Variants in RBM33 observed in about 807,000 individuals in gnomAD.
RBM33 encodes RNA binding motif protein 33.
RBM33 carries 28 observed loss-of-function variants against 132.6 expected under a neutral mutation model. The observed-to-expected ratio is 0.21, with a 90% CI of 0.16 to 0.29. The LOEUF (loss-of-function observed/expected upper bound fraction) is 0.29, where lower values mean the gene tolerates loss of function less well. Ranked by LOEUF, RBM33 falls within the 10% of genes least tolerant of loss-of-function variation. RBM33 has a pLI of 1.00. For synonymous variants in RBM33, 634 were observed against 593.0 expected, an observed-to-expected ratio of 1.07 and a Z score of -1.01; for missense variants, 1,291 against 1,518.5, an observed-to-expected ratio of 0.85 and a Z score of 2.49.
intron 5 of RBM33, among the ~76,000 whole-genome samples, chr7:155,697,566 C>CTA (rs1423830497): frequency 1.1e-4 from 16 of 151,866 alleles, no homozygotes; most frequent in East Asian, 3.9e-4. Flanking sequence ...CTCTCTCTCT[C>CTA]TCTATATATA....
At chr7:155,708,781 C>T (rs958184969) in intron 7 of RBM33, among the ~76,000 whole-genome samples, 4 of 152,330 alleles carry the variant, frequency 2.6e-5, no homozygotes, top group African/African-American at 9.6e-5. Context: ...GTATCCTCCG[C>T]TCCAACTGCG....
At position 155,766,546 on chromosome 7, in the gene RBM33, G is replaced by A. The variant is rs1414821120; in HGVS notation, c.3266G>A (p.Arg1089Gln). 6.2e-7 allele frequency: 1 copy of A among 1,613,618 alleles called. No individual in the cohort carries two copies. ...GRLMPNKQNL[R>Q]VVECKPQPCV... ...CTGATGCCAAACAAGCAGAACCTGC[G>A]GGTGGTGGAGTGCAAGCCCCAGCCC... is the stretch of plus-strand genomic sequence containing the variant. The change falls in exon 16 of 18, where the codon CGG becomes CAG. Residue 1089 changes from arginine to glutamine, a missense_variant. Around this residue, in one of 7 missense-constraint regions of RBM33, gnomAD observed 841 missense variants for 912.0 expected, o/e 0.92. Transcript: ENST00000401878.
chr7:155,742,860 C>G lies in RBM33; in HGVS notation c.2337+754C>G, dbSNP rs764031085. ...GTAAAGGAGGGTCGGCCAGGGCGGC[C>G]TGTGCAGAAGGCTGGCACCTGGAGG... On this transcript the variant is annotated intron_variant, in intron 13 of 17. Coordinates refer to ENST00000401878, the MANE Select transcript of RBM33 (RefSeq NM_053043.3). Among the ~76,000 whole-genome samples, 396 of 152,320 alleles carry G rather than the reference C, an allele frequency of 2.6e-3. 2 individuals are homozygous for G. Among genetic ancestry groups the G allele is most frequent in the Non-Finnish European group, 1.6e-3 (110 of 68,030 alleles).
chr7:155,756,526 G>C (rs959513867), intron 14 of RBM33, among the ~76,000 whole-genome samples: 4 of 152,194 alleles, frequency 2.6e-5, no homozygotes, highest in Non-Finnish European at 5.9e-5. Flanking sequence ...TGAAAGCGTT[G>C]TTTCCACATT....
chr7:155,683,369 T>A (rs1480573773), intron 5 of RBM33, among the ~76,000 whole-genome samples: 1 of 152,258 alleles, frequency 6.6e-6, no homozygotes, highest in South Asian at 2.1e-4. Context: ...TGTCTCTGTG[T>A]ACCCCAATGG....
chr7:155,680,170 CT>C (rs1659213102), intron 4 of RBM33, among the ~76,000 whole-genome samples: 1 of 152,116 alleles, frequency 6.6e-6, no homozygotes, highest in African/African-American at 2.4e-5. Context: ...AATAATACTC[CT>C]GTTTTTACTT....
chr7:155,648,718 T>G (rs1382086990), intron 1 of RBM33, among the ~76,000 whole-genome samples: 1 of 152,214 alleles, frequency 6.6e-6, no homozygotes, highest in Non-Finnish European at 1.5e-5. Context: ...CTTTCTCATT[T>G]CAGCCATGAG....
chr7:155,692,718 A>G (rs887948642), intron 5 of RBM33, among the ~76,000 whole-genome samples: 1 of 152,236 alleles, frequency 6.6e-6, no homozygotes, highest in African/African-American at 2.4e-5. Flanking sequence ...CTAACTTGTT[A>G]GCTTGCAAGT....
intron 5 of RBM33, among the ~76,000 whole-genome samples, chr7:155,689,551 T>C (rs901565234): frequency 1.1e-4 from 17 of 148,552 alleles, no homozygotes; most frequent in African/African-American, 4.2e-4. Context: ...TCAAGTTCTT[T>C]TAATTGTGAT....
rs1481320605 is a variant in RBM33, at chr7:155,739,699, T to C, written c.1738-16T>C. On this transcript the variant is annotated splice_polypyrimidine_tract_variant and intron_variant, in intron 11 of 17. Transcript: ENST00000401878. ...CCATTTATGAACTGTTGTTTCTCTT[T>C]CTTTGGAAATGGAAGGGGCCGTTGC... The C allele has an allele frequency of 6.5e-7, 1 of 1,534,972 alleles. No homozygotes were observed.
chr7:155,649,512 A>G (rs1341274749), intron 1 of RBM33, among the ~76,000 whole-genome samples: 1 of 152,240 alleles, frequency 6.6e-6, no homozygotes, highest in African/African-American at 2.4e-5. Flanking sequence ...AACTGATTAA[A>G]TCATGTTAGC....
intron 15 of RBM33, among the ~76,000 whole-genome samples, chr7:155,765,232 A>G (rs971560144): frequency 3.9e-5 from 6 of 152,266 alleles, no homozygotes; most frequent in African/African-American, 9.6e-5. Flanking sequence ...CCTGGTGTAT[A>G]TAAGTAGGCA....
chr7:155,741,655 T>C (rs563429666), intron 12 of RBM33, among the ~76,000 whole-genome samples, 164 bp from the exon 13 acceptor site: 1 of 152,280 alleles, frequency 6.6e-6, no homozygotes, highest in African/African-American at 2.4e-5. Context: ...TCAGGTGACA[T>C]TTATGTATGA....
chr7:155,735,893 G>A (rs985937916), intron 9 of RBM33, among the ~76,000 whole-genome samples: 1 of 152,058 alleles, frequency 6.6e-6, no homozygotes, highest in African/African-American at 2.4e-5. Context: ...TGTCTTAATT[G>A]ATGTCTTTAT....
intron 8 of RBM33, among the ~76,000 whole-genome samples, chr7:155,713,950 T>C (rs964060348): frequency 1.3e-5 from 2 of 151,702 alleles, no homozygotes; most frequent in African/African-American, 4.8e-5. Flanking sequence ...GGAGGAGTCT[T>C]GTGTCAGTTC....
intron 8 of RBM33, among the ~76,000 whole-genome samples, chr7:155,716,919 C>T (rs573652598): frequency 1.3e-5 from 2 of 152,126 alleles, no homozygotes; most frequent in Non-Finnish European, 2.9e-5. Context: ...TCACACTTTG[C>T]ATTTGATCAA....
At chr7:155,664,381 A>G (rs543435755) in intron 1 of RBM33, among the ~76,000 whole-genome samples, 17 of 150,854 alleles carry the variant, frequency 1.1e-4, no homozygotes, top group African/African-American at 3.9e-4. Context: ...CCTCCCAAGT[A>G]GCTGGGATAG....
chr7:155,730,231 CAG>C (rs1306616483), intron 9 of RBM33, among the ~76,000 whole-genome samples: 2 of 152,138 alleles, frequency 1.3e-5, no homozygotes, highest in Admixed American at 6.5e-5. Context: ...ATTCAAGAGA[CAG>C]AGTTTCTAGG....
chr7:155,685,263 T>C (rs1159595806), intron 5 of RBM33, among the ~76,000 whole-genome samples: 1 of 152,190 alleles, frequency 6.6e-6, no homozygotes, highest in Admixed American at 6.5e-5. Flanking sequence ...TGTTAGAGTG[T>C]TGTAAATGTT....
Sources: allele counts gnomAD v4.1 joint callset (sites outside exome capture counted in the v4.1 genomes callset), GRCh38; gene constraint gnomAD v4.1.1; regional missense constraint gnomAD v4.1.1; transcripts MANE v1.5; gene names NCBI Gene and HGNC (gene_info 2026-07-23, HGNC 2026-07-21).